Variants in NDUFAF2 observed in about 807,000 individuals in gnomAD.
The protein encoded by NDUFAF2 is NADH dehydrogenase [ubiquinone] 1 alpha subcomplex assembly factor 2.
Under a neutral mutation model 22.8 loss-of-function variants are expected in NDUFAF2, and 13 were observed. The observed-to-expected ratio is 0.57, with a 90% CI of 0.37 to 0.91. The LOEUF is 0.91. NDUFAF2 is among the 40% of genes least tolerant of loss of function. The pLI is 0.01. For synonymous variants in NDUFAF2, 53 were observed against 64.2 expected, an observed-to-expected ratio of 0.83 and a Z score of 0.84; for missense variants, 162 against 195.2, an observed-to-expected ratio of 0.83 and a Z score of 1.01.
intron 1 of NDUFAF2, among the ~76,000 whole-genome samples, chr5:61,014,120 A>G (rs1751477606): frequency 6.6e-6 from 1 of 152,332 alleles, no homozygotes; most frequent in African/African-American, 2.4e-5. Context: ...AAAGACCAAG[A>G]CATGATTAAG....
In NDUFAF2 at chr5:60,958,325, A is replaced by C. The variant is rs1357926858; in HGVS notation, c.127+12943A>C. ...TTAATAAATTCAATTGGGTTTTGGGAGATAAAGGAAGTAAACATGAATCAT... is the reference window on the plus strand; with the variant it reads ...TTAATAAATTCAATTGGGTTTTGGGCGATAAAGGAAGTAAACATGAATCAT... On this transcript the variant is annotated intron_variant, in intron 1 of 3. Transcript: ENST00000296597. 1.3e-5 allele frequency among the ~76,000 whole-genome samples: 2 copies of C among 152,094 alleles called. 1 individual carries two copies. Among genetic ancestry groups the C allele is most frequent in the East Asian group, 3.9e-4 (2 of 5,176 alleles).
In NDUFAF2 at chr5:61,152,972, T is replaced by A; in HGVS notation, c.*17T>A. ...AATCAATGAATGCATTATGGTCAAA[T>A]CTTTTCATGTATATGGATGTGACTA... is the stretch of plus-strand genomic sequence containing the variant. On this transcript the variant is annotated 3_prime_UTR_variant, in exon 4 of 4. Transcript: ENST00000296597. 1 of 1,613,296 alleles carries A rather than the reference T, an allele frequency of 6.2e-7. No homozygotes were observed. Among genetic ancestry groups the A allele is most frequent in the Non-Finnish European group, 8.5e-7 (1 of 1,179,420 alleles).
chr5:61,043,017 C>G (rs72759206), intron 1 of NDUFAF2, among the ~76,000 whole-genome samples: 63,346 of 151,930 alleles, frequency 0.42, 14,093 homozygotes, highest in East Asian at 0.81. Flanking sequence ...GTGAGGAGTT[C>G]AAGACAAGCC....
At chr5:60,987,734 C>G (rs753104777) in intron 1 of NDUFAF2, among the ~76,000 whole-genome samples, 21 of 152,134 alleles carry the variant, frequency 1.4e-4, no homozygotes, top group Admixed American at 2.0e-4. Context: ...AATTGAACAT[C>G]CTTTCATGTT....
At chr5:61,045,501 G>C (rs1205266776) in intron 1 of NDUFAF2, among the ~76,000 whole-genome samples, 1 of 151,326 alleles carries the variant, frequency 6.6e-6, no homozygotes, top group African/African-American at 2.4e-5. Flanking sequence ...TTATTTAAAA[G>C]TTTTTTTACT....
chr5:60,990,212 G>A (rs1237985320), intron 1 of NDUFAF2, among the ~76,000 whole-genome samples: 1 of 151,964 alleles, frequency 6.6e-6, no homozygotes, highest in Non-Finnish European at 1.5e-5. Context: ...GAATGACTAG[G>A]ACCTAGTATT....
intron 2 of NDUFAF2, among the ~76,000 whole-genome samples, chr5:61,092,220 G>A (rs144236457): frequency 1.1e-3 from 164 of 152,210 alleles, no homozygotes; most frequent in Non-Finnish European, 1.9e-3. Flanking sequence ...GGTTCCATAT[G>A]AATTCTAAAA....
intron 1 of NDUFAF2, among the ~76,000 whole-genome samples, chr5:61,029,537 G>T (rs979583974): frequency 3.3e-5 from 5 of 152,138 alleles, no homozygotes; most frequent in Non-Finnish European, 7.3e-5. Context: ...ATTGTTGCCA[G>T]CTACTCTGCA....
rs538805473 is a variant in NDUFAF2, at chr5:61,003,660, T to C, written c.127+58278T>C. 1.2e-3 allele frequency among the ~76,000 whole-genome samples: 185 copies of C among 149,586 alleles called. 2 individuals are homozygous for C. The highest frequency in any genetic ancestry group is 4.8e-4 in the Non-Finnish European group (32 of 67,182). On this transcript the variant is annotated intron_variant, in intron 1 of 3. Transcript: ENST00000296597. ...AAAATCTATACTTTTTTTTTTTTTTTTTTTTTAAGAGACAGGATCTTGCTC... is the reference window on the plus strand; with the variant it reads ...AAAATCTATACTTTTTTTTTTTTTTCTTTTTTAAGAGACAGGATCTTGCTC...
chr5:61,099,763 T>A (rs1416829939), intron 3 of NDUFAF2, among the ~76,000 whole-genome samples: 1 of 152,102 alleles, frequency 6.6e-6, no homozygotes, highest in Non-Finnish European at 1.5e-5. Context: ...CTTGTTTACT[T>A]TTTGTCTAGA....
intron 2 of NDUFAF2, among the ~76,000 whole-genome samples, chr5:61,090,419 A>G (rs1752552374): frequency 6.6e-6 from 1 of 152,084 alleles, no homozygotes; most frequent in African/African-American, 2.4e-5. Flanking sequence ...TTTTCATGTC[A>G]TGAAATACTG....
intron 1 of NDUFAF2, among the ~76,000 whole-genome samples, chr5:60,971,034 G>A (rs997669565): frequency 6.6e-5 from 10 of 151,836 alleles, no homozygotes; most frequent in African/African-American, 2.4e-4. Context: ...TTATTGAATA[G>A]TTATTTATAA....
At position 60,999,841 on chromosome 5, in the gene NDUFAF2, G is replaced by T. The variant is rs187038935; in HGVS notation, c.127+54459G>T. ...TATGGAGTCAGAGTACCTTATTCCA[G>T]AATTAGAGAAAGTTCTCCAAAAATT... On this transcript the variant is annotated intron_variant, in intron 1 of 3. Coordinates refer to ENST00000296597, the MANE Select transcript of NDUFAF2 (RefSeq NM_174889.5). Among the ~76,000 whole-genome samples the T allele has an allele frequency of 3.0e-3, 453 of 152,122 alleles. 1 individual carries two copies. Among genetic ancestry groups the T allele is most frequent in the Middle Eastern group, 6.8e-3 (2 of 294 alleles).
intron 1 of NDUFAF2, among the ~76,000 whole-genome samples, chr5:60,959,746 G>T (rs1042358406): frequency 5.3e-5 from 8 of 151,986 alleles, no homozygotes; most frequent in Non-Finnish European, 8.8e-5. Context: ...TTTTATACAG[G>T]TTGTCTCAGA....
chr5:60,963,644 T>A (rs1166886186), intron 1 of NDUFAF2, among the ~76,000 whole-genome samples: 1 of 152,204 alleles, frequency 6.6e-6, no homozygotes, highest in Admixed American at 6.5e-5. Context: ...TCTAGGCATT[T>A]GAGATACTAT....
At chr5:61,028,462 A>G (rs1451052869) in intron 1 of NDUFAF2, among the ~76,000 whole-genome samples, 2 of 152,122 alleles carry the variant, frequency 1.3e-5, no homozygotes, top group Non-Finnish European at 2.9e-5. Context: ...TATCCTATTT[A>G]CCTTCTTCAA....
chr5:61,039,151 A>AC (rs1751839519), intron 1 of NDUFAF2, among the ~76,000 whole-genome samples: 1 of 151,846 alleles, frequency 6.6e-6, no homozygotes, highest in Non-Finnish European at 1.5e-5. Flanking sequence ...GCCAAAAAAA[A>AC]AAAAAAAAAA....
At chr5:60,955,410 G>C (rs1027063889) in intron 1 of NDUFAF2, among the ~76,000 whole-genome samples, 3 of 152,156 alleles carry the variant, frequency 2.0e-5, no homozygotes, top group South Asian at 4.1e-4. Flanking sequence ...TCTGTCTTCT[G>C]TTCCAATAGT....
chr5:61,091,851 C>A (rs1752572168), intron 2 of NDUFAF2, among the ~76,000 whole-genome samples: 1 of 152,152 alleles, frequency 6.6e-6, no homozygotes, highest in South Asian at 2.1e-4. Context: ...AGTCTTTAAT[C>A]CATCTTGAGT....
Sources: allele counts gnomAD v4.1 joint callset (sites outside exome capture counted in the v4.1 genomes callset), GRCh38; gene constraint gnomAD v4.1.1; transcripts MANE v1.5; gene names NCBI Gene and HGNC (gene_info 2026-07-23, HGNC 2026-07-21).